Variants in CARS1 observed in about 807,000 individuals in gnomAD.
The protein encoded by CARS1 is cysteinyl-tRNA synthetase 1.
Under a neutral mutation model 106.2 loss-of-function variants are expected in CARS1, and 48 were observed. The observed-to-expected ratio is 0.45, with a 90% CI of 0.36 to 0.57. The LOEUF (loss-of-function observed/expected upper bound fraction) is 0.57, where lower values mean the gene tolerates loss of function less well. Ranked by LOEUF, CARS1 falls within the 20% of genes least tolerant of loss-of-function variation. The probability of loss-of-function intolerance (pLI) is 0.00; values close to 1 mark genes in which losing one functional copy is unlikely to be tolerated. For missense variants in CARS1, 968 were observed against 1,057.2 expected, an observed-to-expected ratio of 0.92 and a Z score of 1.17; for synonymous variants, 409 against 403.4, an observed-to-expected ratio of 1.01 and a Z score of -0.17.
rs1227505909 is a variant in CARS1, at chr11:3,053,724, A to C, written c.25+3619T>G. Among the ~76,000 whole-genome samples the C allele has an allele frequency of 6.6e-6, 1 of 152,114 alleles. No homozygotes were observed. The highest frequency in any genetic ancestry group is 1.5e-5 in the Non-Finnish European group (1 of 68,020). ...ATCTCTGGGGTGGGCCCAGCAAGTG[A>C]GGTTTAAACCAGCTTCCCCATGGGT... On this transcript the variant is annotated intron_variant, in intron 1 of 22. Transcript: ENST00000380525. This position sits in a 1 kb window ranked among gnomAD's most constrained non-coding sequence, Gnocchi z 6.6.
Position 3,029,225 on chromosome 11 carries a change from T to C in CARS1, c.942+78A>G, listed in dbSNP as rs1852437518. ...TGTTGACTTGGCCGCTTAATTGAGCTGGCCTTGCCAAAACAGGAATTTAGA... is the reference window on the plus strand; with the variant it reads ...TGTTGACTTGGCCGCTTAATTGAGCCGGCCTTGCCAAAACAGGAATTTAGA... On this transcript the variant is annotated intron_variant, in intron 8 of 22. Coordinates refer to ENST00000380525, the MANE Select transcript of CARS1 (RefSeq NM_001014437.3). This position sits in a 1 kb window ranked among gnomAD's most constrained non-coding sequence, Gnocchi z 5.9. The C allele has an allele frequency of 2.6e-6, 4 of 1,543,210 alleles. No individual in the cohort carries two copies. The South Asian group carries it at 3.4e-5, about 13-fold the overall frequency.
At chr11:3,005,557 A>G (rs1289044266) in intron 19 of CARS1, 124 bp from the exon 20 acceptor site, 2 of 657,144 alleles carry the variant, frequency 3.0e-6, no homozygotes, top group East Asian at 2.8e-5. Flanking sequence ...GCGAGGGCCC[A>G]CAGGAGAAAA....
At position 3,057,351 on chromosome 11, in the gene CARS1, C is replaced by T; in HGVS notation, c.17G>A (p.Gly6Glu). ...CCGGCCGCGCCGCTCACCCTGCTGCCCGGAGGAATCTGCCATGGCTGGGAA... is the reference window on the plus strand; with the variant it reads ...CCGGCCGCGCCGCTCACCCTGCTGCTCGGAGGAATCTGCCATGGCTGGGAA... MADSS[G>E]QQAPDYRSIL... The change falls in exon 1 of 23, where the codon GGG becomes GAG. Residue 6 changes from glycine (G) to glutamate (E), a missense_variant. Physicochemically the swap from Gly to Glu is moderately conservative, Grantham distance 98 (BLOSUM62 -2). Transcript: ENST00000380525. 6.2e-7 allele frequency: 1 copy of T among 1,610,676 alleles called. No homozygotes were observed. Among genetic ancestry groups the T allele is most frequent in the Non-Finnish European group, 8.5e-7 (1 of 1,178,918 alleles).
intron 9 of CARS1, chr11:3,027,782 T>A (rs1272599081): frequency 1.1e-5 from 5 of 453,940 alleles, no homozygotes; most frequent in Non-Finnish European, 8.8e-6. Flanking sequence ...AACGCCAGCG[T>A]CTGGGAGGAT....
Position 3,029,180 on chromosome 11 carries a change from G to A in CARS1, c.943-96C>T. On this transcript the variant is annotated intron_variant, in intron 8 of 22. Coordinates refer to ENST00000380525, the MANE Select transcript of CARS1 (RefSeq NM_001014437.3). This position sits in a 1 kb window ranked among gnomAD's most constrained non-coding sequence, Gnocchi z 5.9. ...ATTCATAAAACGAAAAGCCCATTAT[G>A]CCCCTCAACTCAAGTTCAATGTTGA... The A allele has an allele frequency of 7.1e-7, 1 of 1,414,830 alleles. No individual in the cohort carries two copies. Among genetic ancestry groups the A allele is most frequent in the South Asian group, 1.2e-5 (1 of 86,228 alleles). The allele number at this position is 1,414,830 out of a possible 1,614,324, so 87.6% of individuals were successfully genotyped here. A position where few individuals can be genotyped will look rare whatever the true frequency, so the allele number is the denominator to read the frequency against.
At chr11:3,023,685 T>C (rs957875067) in intron 10 of CARS1, among the ~76,000 whole-genome samples, 40 of 128,952 alleles carry the variant, frequency 3.1e-4, no homozygotes, top group African/African-American at 1.1e-3. Flanking sequence ...TGAGCTATAA[T>C]TCAGCCCTAA....
At chr11:3,035,660 A>G (rs1853521437) in intron 7 of CARS1, among the ~76,000 whole-genome samples, 1 of 151,960 alleles carries the variant, frequency 6.6e-6, no homozygotes, top group Admixed American at 6.6e-5. Flanking sequence ...TAATTTTTAA[A>G]AGTTTTGTAG....
At chr11:3,026,132 C>A (rs1413965479) in intron 10 of CARS1, among the ~76,000 whole-genome samples, 2 of 152,112 alleles carry the variant, frequency 1.3e-5, no homozygotes, top group Admixed American at 6.5e-5. Flanking sequence ...TATGTGGGAG[C>A]TAAAAAACGG....
chr11:3,042,443 T>A, intron 2 of CARS1, 187 bp from the exon 3 acceptor site: 1 of 544,790 alleles, frequency 1.8e-6, no homozygotes, highest in African/African-American at 1.9e-5. Context: ...TTTTTTTTTT[T>A]AGACGGAGTC....
rs748205813 is a variant in CARS1 at position 3,029,365 on chromosome 11, T to C, written c.880A>G (p.Ile294Val). 5.0e-6 allele frequency: 8 copies of C among 1,614,026 alleles called. No individual in the cohort carries two copies. Among genetic ancestry groups the C allele is most frequent in the Non-Finnish European group, 6.8e-6 (8 of 1,179,932 alleles). The change falls in exon 8 of 23, where the codon ATC becomes GTC. Residue 294 changes from isoleucine (I) to valine (V), a missense_variant. By Grantham distance (29) the Ile-to-Val change is conservative. Coordinates refer to ENST00000380525, the MANE Select transcript of CARS1 (RefSeq NM_001014437.3). The surrounding 1 kb of genome is among the most constrained non-coding windows in gnomAD (Gnocchi z 5.9). ...CAGAACTTGGGCAGCTTGGAGAAGA[T>C]GGAATTGTCAGTGACATCACAGCCA... ...TLGCDVTDNS[I>V]FSKLPKFWEG...
In CARS1 at chr11:3,037,978, C is replaced by A; in HGVS notation, c.801+72G>T. 8 of 1,410,392 alleles carry A rather than the reference C, an allele frequency of 5.7e-6. No homozygotes were observed. The highest frequency in any genetic ancestry group is 7.8e-6 in the Non-Finnish European group (8 of 1,021,034). The allele number at this position is 1,410,392 out of a possible 1,614,324, so 87.4% of individuals were successfully genotyped here. ...AGACAATCTGTGGAATCAATCCGTGCACACAGATCAGTCTATGCACGGCCC... is the reference window on the plus strand; with the variant it reads ...AGACAATCTGTGGAATCAATCCGTGAACACAGATCAGTCTATGCACGGCCC... On this transcript the variant is annotated intron_variant, in intron 7 of 22. Coordinates refer to ENST00000380525, the MANE Select transcript of CARS1 (RefSeq NM_001014437.3). This position sits in a 1 kb window ranked among gnomAD's most constrained non-coding sequence, Gnocchi z 5.9.
At position 3,029,052 on chromosome 11, in the gene CARS1, A is replaced by G; in HGVS notation, c.975T>C (p.Ser325=). The change falls in exon 9 of 23, where the codon AGT becomes AGC. Residue 325 remains serine, a synonymous_variant. Coordinates refer to ENST00000380525, the MANE Select transcript of CARS1 (RefSeq NM_001014437.3). This position sits in a 1 kb window ranked among gnomAD's most constrained non-coding sequence, Gnocchi z 5.9. ...VLPPDVLTRV[S]EYVPEIVNFV... ...AGTTCACAATTTCTGGCACATACTCACTAACCCGGGTTAAGACATCTGGAG... is the reference window on the plus strand; with the variant it reads ...AGTTCACAATTTCTGGCACATACTCGCTAACCCGGGTTAAGACATCTGGAG... The G allele has an allele frequency of 6.2e-7, 1 of 1,613,552 alleles. No individual in the cohort carries two copies. The highest frequency in any genetic ancestry group is 8.5e-7 in the Non-Finnish European group (1 of 1,179,640).
intron 9 of CARS1, chr11:3,027,862 G>A (rs2134188051): frequency 2.2e-6 from 1 of 454,308 alleles, no homozygotes; most frequent in South Asian, 1.6e-5. Flanking sequence ...CTACTTAGCA[G>A]ACCGGGAAAG....
Position 3,029,804 on chromosome 11 carries a change from A to T in CARS1, c.802-361T>A, listed in dbSNP as rs1179165954. The T allele has an allele frequency of 1.2e-5, 3 of 258,162 alleles. No individual in the cohort carries two copies. The highest frequency in any genetic ancestry group is 1.6e-4 in the East Asian group (2 of 12,528). 16.0% of individuals were successfully genotyped at this position (258,162 alleles called of 1,614,324 possible). On this transcript the variant is annotated intron_variant, in intron 7 of 22. Transcript: ENST00000380525. This position sits in a 1 kb window ranked among gnomAD's most constrained non-coding sequence, Gnocchi z 5.9. ...GCTGGGCAGGAGCACACAGTGTGTC[A>T]CCTACAGCACAACCCCTTGGTGCAT...
At position 3,014,852 on chromosome 11, in the gene CARS1, C is replaced by G. The variant is rs192578109; in HGVS notation, c.1986+929G>C. 3.3e-5 allele frequency among the ~76,000 whole-genome samples: 5 copies of G among 152,326 alleles called. No homozygotes were observed. The East Asian group carries it at 7.7e-4, about 23-fold the overall frequency. ...TGGGGGAGCATCTGTAAGCTCCATC[C>G]GCATGGGGGCTCTTCACACCACTTG... On this transcript the variant is annotated intron_variant, in intron 17 of 22. Transcript: ENST00000380525.
intron 22 of CARS1, among the ~76,000 whole-genome samples, chr11:3,001,599 G>A (rs1459518142): frequency 1.3e-5 from 2 of 152,250 alleles, no homozygotes; most frequent in African/African-American, 4.8e-5. Flanking sequence ...GAGGTTTGGA[G>A]GCAGTGGCTG....
rs1021681464 is a variant in CARS1 at position 3,045,639 on chromosome 11, C to T, written c.274+2114G>A. The stretch of plus-strand genomic sequence containing the variant: ...GCACATGGGAGGAGCTGGTAACAGG[C>T]GGGCACACTGAGGGCCAGACACAGG... On this transcript the variant is annotated intron_variant, in intron 2 of 22. Transcript: ENST00000380525. The surrounding 1 kb of genome is among the most constrained non-coding windows in gnomAD (Gnocchi z 5.6). 6.6e-6 allele frequency among the ~76,000 whole-genome samples: 1 copy of T among 151,938 alleles called. No individual in the cohort carries two copies. Among genetic ancestry groups the T allele is most frequent in the Non-Finnish European group, 1.5e-5 (1 of 67,972 alleles).
chr11:3,054,339 G>T (rs1855983871), intron 1 of CARS1, among the ~76,000 whole-genome samples: 1 of 152,182 alleles, frequency 6.6e-6, no homozygotes, highest in Admixed American at 6.5e-5. Context: ...TGAGCCTGTG[G>T]GGTGATCAGA....
At position 3,020,199 on chromosome 11, in the gene CARS1, C is replaced by A; in HGVS notation, c.1266+21G>T. ...CCAGTGCCCCTGTCCAAGCCCCACA[C>A]CTTCTAGGCCACTCGCTCACCTTTC... On this transcript the variant is annotated intron_variant, in intron 11 of 22. Coordinates refer to ENST00000380525, the MANE Select transcript of CARS1 (RefSeq NM_001014437.3). The surrounding 1 kb of genome is among the most constrained non-coding windows in gnomAD (Gnocchi z 4.6). 2 of 1,441,410 alleles carry A rather than the reference C, an allele frequency of 1.4e-6. No individual in the cohort carries two copies. The highest frequency in any genetic ancestry group is 2.0e-6 in the Non-Finnish European group (2 of 1,022,328). 89.3% of individuals were successfully genotyped at this position (1,441,410 alleles called of 1,614,324 possible).
Sources: gnomAD v4.1 joint callset for allele counts (sites outside exome capture counted in the v4.1 genomes callset) on GRCh38, gnomAD v4.1.1 for gene constraint, Gnocchi (gnomAD v3.1) non-coding constraint, MANE v1.5 for transcripts, NCBI Gene and HGNC (gene_info 2026-07-23, HGNC 2026-07-21) for gene names.